Variants in EPM2A observed in about 807,000 individuals in gnomAD.
EPM2A encodes laforin.
A neutral mutation model predicts 26.5 loss-of-function variants in EPM2A; 21 were observed. That is an observed-to-expected ratio of 0.79 (90% CI 0.56 to 1.14). The LOEUF (loss-of-function observed/expected upper bound fraction) is 1.14. Ranked by LOEUF, EPM2A falls within the 50% of genes most tolerant of loss-of-function variation. EPM2A has a pLI of 0.00. For synonymous variants in EPM2A, 217 were observed against 177.6 expected (o/e 1.22, Z -1.76); for missense variants, 458 against 440.8 (o/e 1.04, Z -0.35).
At chr6:145,592,621 T>G (rs1258886456) in intron 2 of EPM2A, among the ~76,000 whole-genome samples, 2 of 152,192 alleles carry the variant, frequency 1.3e-5, no homozygotes, top group Non-Finnish European at 2.9e-5. Context: ...TTCCTATTTC[T>G]CCATATCCTC....
intron 2 of EPM2A, among the ~76,000 whole-genome samples, chr6:145,527,997 A>C (rs1471556174): frequency 6.6e-6 from 1 of 152,168 alleles, no homozygotes; most frequent in Non-Finnish European, 1.5e-5. Context: ...AAAGTTTTAC[A>C]AGTCTGAATA....
At chr6:145,482,785 AC>A (rs1435578066) in intron 4 of EPM2A, among the ~76,000 whole-genome samples, 1 of 151,928 alleles carries the variant, frequency 6.6e-6, no homozygotes, top group Non-Finnish European at 1.5e-5. Context: ...ACTACAGTCA[AC>A]TTTTGGCTCT....
At chr6:145,557,907 C>T (rs922566902) in intron 2 of EPM2A, among the ~76,000 whole-genome samples, 1 of 152,062 alleles carries the variant, frequency 6.6e-6, no homozygotes, top group Non-Finnish European at 1.5e-5. Context: ...CTCCAGCCCC[C>T]GGTAACCAGC....
intron 4 of EPM2A, among the ~76,000 whole-genome samples, chr6:145,389,742 C>T (rs191049636): frequency 1.4e-3 from 213 of 152,262 alleles, no homozygotes; most frequent in Non-Finnish European, 1.7e-3. Context: ...CTCCTACCTC[C>T]ATTTTTCAGA....
intron 4 of EPM2A, among the ~76,000 whole-genome samples, chr6:145,478,848 T>C (rs540690448): frequency 6.6e-6 from 1 of 151,972 alleles, no homozygotes; most frequent in South Asian, 2.1e-4. Context: ...TACCAGATAA[T>C]GTAGTCTGTA....
intron 2 of EPM2A, among the ~76,000 whole-genome samples, chr6:145,680,842 C>G (rs905755179): frequency 6.6e-6 from 1 of 152,048 alleles, no homozygotes; most frequent in African/African-American, 2.4e-5. Flanking sequence ...AATAGTGCCG[C>G]TATAAACATA....
rs888517665 is a variant in EPM2A, at chr6:145,625,348, G to C, written c.*2068C>G. 5.2e-6 allele frequency: 1 copy of C among 190,790 alleles called. No individual in the cohort carries two copies. Among genetic ancestry groups the C allele is most frequent in the South Asian group, 1.3e-4 (1 of 7,504 alleles). The allele number at this position is 190,790 out of a possible 1,614,324, so 11.8% of individuals were successfully genotyped here. ...TTTGCCAAAAGTTTTGGGTGATTTTGAAATACATTAGACATCCCATTCATT... is the reference window on the plus strand; with the variant it reads ...TTTGCCAAAAGTTTTGGGTGATTTTCAAATACATTAGACATCCCATTCATT... On this transcript the variant is annotated 3_prime_UTR_variant, in exon 4 of 4. Transcript: ENST00000367519.
intron 4 of EPM2A, among the ~76,000 whole-genome samples, chr6:145,396,738 T>C (rs998895072): frequency 6.6e-6 from 1 of 152,228 alleles, no homozygotes; most frequent in Non-Finnish European, 1.5e-5. Flanking sequence ...TTCATTCTGT[T>C]ATTGCCACCC....
At chr6:145,394,394 C>T (rs1778378147) in intron 4 of EPM2A, among the ~76,000 whole-genome samples, 1 of 152,110 alleles carries the variant, frequency 6.6e-6, no homozygotes, top group South Asian at 2.1e-4. Context: ...GCCAATCTAA[C>T]ACTGATATCT....
intron 2 of EPM2A, among the ~76,000 whole-genome samples, chr6:145,549,178 ATAT>A (rs1780622447): frequency 6.6e-6 from 1 of 152,130 alleles, no homozygotes; most frequent in African/African-American, 2.4e-5. Context: ...GTGATAAAAT[ATAT>A]GTGTTGTGAG....
intron 4 of EPM2A, among the ~76,000 whole-genome samples, chr6:145,466,328 C>T (rs1307440014): frequency 1.3e-5 from 2 of 151,990 alleles, no homozygotes; most frequent in South Asian, 2.1e-4. Context: ...AAAAAGTGGG[C>T]AAAGGACATG....
chr6:145,561,292 G>A (rs1360126186), intron 2 of EPM2A, among the ~76,000 whole-genome samples: 2 of 151,822 alleles, frequency 1.3e-5, no homozygotes, highest in African/African-American at 2.4e-5. Flanking sequence ...GGTATGTAGT[G>A]GGCTATACCA....
At chr6:145,732,771 C>G (rs1776565810) in intron 1 of EPM2A, among the ~76,000 whole-genome samples, 1 of 152,282 alleles carries the variant, frequency 6.6e-6, no homozygotes. Context: ...GTTTACGAGT[C>G]TAATTGCACA....
chr6:145,384,819 C>A (rs966469518), intron 4 of EPM2A, among the ~76,000 whole-genome samples: 1 of 147,764 alleles, frequency 6.8e-6, no homozygotes, highest in African/African-American at 2.5e-5. Flanking sequence ...ACCACTTTCT[C>A]TGTATTTCAT....
chr6:145,398,495 T>C (rs1778437519), intron 4 of EPM2A, among the ~76,000 whole-genome samples: 1 of 152,184 alleles, frequency 6.6e-6, no homozygotes, highest in African/African-American at 2.4e-5. Flanking sequence ...TGTCTCAAAG[T>C]GTTGCCGCTG....
chr6:145,572,688 T>G (rs908419544), intron 2 of EPM2A, among the ~76,000 whole-genome samples: 3 of 152,292 alleles, frequency 2.0e-5, no homozygotes, highest in Admixed American at 6.5e-5. Flanking sequence ...CTATGGGGCC[T>G]GCCAAAGGCT....
rs756947829 is a variant in EPM2A at position 145,425,002 on chromosome 6, C to T, written c.556-40905G>A. Among the ~76,000 whole-genome samples, 10 of 150,444 alleles carry T rather than the reference C, an allele frequency of 6.6e-5. 1 individual carries two copies. In the South Asian group the frequency reaches 8.4e-4, roughly 13 times the overall value. On this transcript the variant is annotated intron_variant, in intron 4 of 4. Coordinates refer to the EPM2A transcript ENST00000638717. ...CATATCTATCTATTTATCTAATCTACGTACTGTATATAAAAGGCCACATAT... is the reference window on the plus strand; with the variant it reads ...CATATCTATCTATTTATCTAATCTATGTACTGTATATAAAAGGCCACATAT...
intron 4 of EPM2A, among the ~76,000 whole-genome samples, chr6:145,456,171 C>T (rs1180517734): frequency 6.6e-6 from 1 of 152,024 alleles, no homozygotes; most frequent in Non-Finnish European, 1.5e-5. Flanking sequence ...AGGTAGAAGA[C>T]CTTGAGGTGA....
At chr6:145,386,907 T>C (rs564531871) in intron 4 of EPM2A, among the ~76,000 whole-genome samples, 3 of 152,324 alleles carry the variant, frequency 2.0e-5, no homozygotes, top group East Asian at 1.9e-4. Flanking sequence ...TAAAGTAGTC[T>C]GTTTTGTTTA....
Sources: gnomAD v4.1 joint callset for allele counts (sites outside exome capture counted in the v4.1 genomes callset) on GRCh38, gnomAD v4.1.1 for gene constraint, MANE v1.5 for transcripts, NCBI Gene and HGNC (gene_info 2026-07-23, HGNC 2026-07-21) for gene names.